CALM2: variants seen among roughly 807,000 people sequenced by gnomAD.
The protein encoded by CALM2 is calmodulin 2.
Under a neutral mutation model 19.8 loss-of-function variants are expected in CALM2, and 2 were observed. The ratio of observed to expected loss-of-function variants is 0.10; its 90% CI spans 0.04 to 0.32. The LOEUF (loss-of-function observed/expected upper bound fraction) is 0.32, where lower values mean the gene tolerates loss of function less well. CALM2 is among the 10% of genes least tolerant of loss of function. The pLI, the probability that CALM2 is intolerant of heterozygous loss-of-function variation, is 1.00. For missense variants in CALM2, 38 were observed against 178.7 expected (o/e 0.21, Z 4.49); for synonymous variants, 51 against 52.1 (o/e 0.98, Z 0.09).
chr2:47,167,317 T>C (rs1433754382), intron 2 of CALM2, among the ~76,000 whole-genome samples: 1 of 152,214 alleles, frequency 6.6e-6, no homozygotes, highest in Non-Finnish European at 1.5e-5. Context: ...CAACAACTAA[T>C]GACATCATGG....
At chr2:47,162,170 T>TAAAAAAAAAA in intron 4 of CALM2, 116 bp downstream of exon 4, 1 of 154,364 alleles carries the variant, frequency 6.5e-6, no homozygotes, top group South Asian at 7.0e-5. Flanking sequence ...TGGTAAATCA[T>TAAAAAAAAAA]CAAAAAAAAA....
upstream of CALM2, chr2:47,176,870 C>G (rs1054340798): frequency 1.0e-5 from 10 of 985,292 alleles, no homozygotes; most frequent in Admixed American, 3.7e-4. Flanking sequence ...CACTGGGACT[C>G]GCAGCCGCCG....
chr2:47,161,587 G>C, intron 5 of CALM2, 136 bp downstream of exon 5: 1 of 691,638 alleles, frequency 1.4e-6, no homozygotes, highest in East Asian at 2.8e-5. Context: ...TGAATTTTAA[G>C]AAGGTTAAAT....
At chr2:47,164,898 C>G (rs1483740389) in intron 2 of CALM2, among the ~76,000 whole-genome samples, 1 of 152,230 alleles carries the variant, frequency 6.6e-6, no homozygotes, top group African/African-American at 2.4e-5. Flanking sequence ...GTACACCTTC[C>G]AGTTTCATTC....
chr2:47,171,621 C>G (rs1666671298), intron 1 of CALM2: 1 of 152,122 alleles, frequency 6.6e-6, no homozygotes, highest in African/African-American at 2.4e-5. Flanking sequence ...TATCCAGACT[C>G]CTTGTTGTAT....
chr2:47,161,340 A>T (rs188599486), intron 5 of CALM2, among the ~76,000 whole-genome samples: 95 of 152,322 alleles, frequency 6.2e-4, no homozygotes, highest in Non-Finnish European at 1.0e-3. Flanking sequence ...AAGACAATAC[A>T]GTGCGGGGAA....
At chr2:47,169,186 G>T (rs1324464015) in intron 2 of CALM2, among the ~76,000 whole-genome samples, 1 of 152,150 alleles carries the variant, frequency 6.6e-6, no homozygotes, top group Non-Finnish European at 1.5e-5. Flanking sequence ...CATACAGTTG[G>T]TACCTGTACC....
chr2:47,168,077 C>A (rs1666547062), intron 2 of CALM2, among the ~76,000 whole-genome samples: 1 of 152,064 alleles, frequency 6.6e-6, no homozygotes, highest in Non-Finnish European at 1.5e-5. Flanking sequence ...GTGTTACACA[C>A]TCATTGAGAA....
At position 47,161,577 on chromosome 2, in the gene CALM2, T is replaced by C. The variant is rs145787488; in HGVS notation, c.421+146A>G. The C allele has an allele frequency of 1.1e-3, 702 of 657,822 alleles. 2 individuals carry two copies. In the African/African-American group the frequency reaches 0.012, roughly 11 times the overall value. 40.7% of individuals were successfully genotyped at this position (657,822 alleles called of 1,614,324 possible). A position where few individuals can be genotyped will look rare whatever the true frequency, so the allele number is the denominator to read the frequency against. On this transcript the variant is annotated intron_variant, in intron 5 of 5. Transcript: ENST00000272298. ...GTTACCTAGTCTGCAGACAACACTC[T>C]GAATTTTAAGAAGGTTAAATGTAAG...
At chr2:47,173,350 C>T (rs908161623) in intron 1 of CALM2, 1 of 152,146 alleles carries the variant, frequency 6.6e-6, no homozygotes, top group Non-Finnish European at 1.5e-5. Context: ...AAGAAGAATT[C>T]ACTAGAGAGA....
intron 1 of CALM2, 143 bp downstream of exon 1, chr2:47,176,298 C>A (rs1350459370): frequency 2.1e-6 from 2 of 972,206 alleles, no homozygotes; most frequent in Non-Finnish European, 1.5e-6. Context: ...CCGTCGCCGG[C>A]ATCCCTGGCC....
intron 2 of CALM2, among the ~76,000 whole-genome samples, chr2:47,168,905 G>T (rs946867131): frequency 6.6e-6 from 1 of 152,026 alleles, no homozygotes; most frequent in African/African-American, 2.4e-5. Context: ...AGCCTCCTGA[G>T]TGGCTGGGAT....
intron 1 of CALM2, chr2:47,172,690 T>C: frequency 3.5e-6 from 1 of 288,764 alleles, no homozygotes; most frequent in Non-Finnish European, 6.8e-6. Flanking sequence ...CGGACATCAC[T>C]TTAAGGCTAA....
At chr2:47,170,180 A>G (rs1388683799) in intron 2 of CALM2, among the ~76,000 whole-genome samples, 1 of 152,238 alleles carries the variant, frequency 6.6e-6, no homozygotes, top group Non-Finnish European at 1.5e-5. Flanking sequence ...AACAGCTGTC[A>G]CTGTTTTTTA....
intron 4 of CALM2, among the ~76,000 whole-genome samples, 171 bp downstream of exon 4, chr2:47,162,115 T>A (rs2103824386): frequency 7.3e-6 from 1 of 137,216 alleles, no homozygotes; most frequent in East Asian, 2.1e-4. Context: ...TTAGAAAGTC[T>A]ATACTGAATT....
chr2:47,175,162 C>T (rs1335861786), intron 1 of CALM2, among the ~76,000 whole-genome samples: 1 of 145,014 alleles, frequency 6.9e-6, no homozygotes, highest in East Asian at 2.0e-4. Context: ...TTCCCTGCTC[C>T]TCCCCCGCAT....
chr2:47,165,601 C>T (rs1666440076), intron 2 of CALM2, among the ~76,000 whole-genome samples: 1 of 152,206 alleles, frequency 6.6e-6, no homozygotes, highest in South Asian at 2.1e-4. Flanking sequence ...CTGCCAAAGG[C>T]TCTTACTCCT....
At chr2:47,171,662 A>C (rs1363844294) in intron 1 of CALM2, 1 of 152,196 alleles carries the variant, frequency 6.6e-6, no homozygotes, top group Non-Finnish European at 1.5e-5. Flanking sequence ...TTCACTGCTT[A>C]TTAGTATATA....
At chr2:47,174,752 T>TA (rs201317996) in intron 1 of CALM2, among the ~76,000 whole-genome samples, 190 of 148,550 alleles carry the variant, frequency 1.3e-3, no homozygotes, top group Middle Eastern at 6.8e-3. Context: ...TTCGTTTATT[T>TA]AAAAAAAAAA....
Sources: gnomAD v4.1 joint callset for allele counts (sites outside exome capture counted in the v4.1 genomes callset) on GRCh38, gnomAD v4.1.1 for gene constraint, MANE v1.5 for transcripts, NCBI Gene and HGNC (gene_info 2026-07-23, HGNC 2026-07-21) for gene names.